PTPRG: variants seen among roughly 807,000 people sequenced by gnomAD.
PTPRG encodes the protein protein tyrosine phosphatase receptor type G, also known as receptor-type tyrosine-protein phosphatase gamma.
Under a neutral mutation model 165.3 loss-of-function variants are expected in PTPRG, and 102 were observed. The ratio of observed to expected loss-of-function variants is 0.62; its 90% confidence interval spans 0.53 to 0.73. The LOEUF (loss-of-function observed/expected upper bound fraction) is 0.73. Among genes scored for constraint, PTPRG ranks in the 30% least tolerant of loss-of-function variants. PTPRG has a pLI of 0.00. For missense variants in PTPRG, 1,866 were observed against 1,861.4 expected (o/e 1.00, Z -0.05); for synonymous variants, 675 against 669.5 (o/e 1.01, Z -0.13).
intron 4 of PTPRG, among the ~76,000 whole-genome samples, chr3:62,055,148 G>A (rs1427579106): frequency 6.6e-6 from 1 of 152,124 alleles, no homozygotes; most frequent in Non-Finnish European, 1.5e-5. Flanking sequence ...GCCCAATTAT[G>A]TTTCAAGTAT....
At chr3:61,667,608 A>C (rs1057410192) in intron 1 of PTPRG, among the ~76,000 whole-genome samples, 4 of 152,232 alleles carry the variant, frequency 2.6e-5, no homozygotes, top group African/African-American at 9.6e-5. Context: ...ACACGAGGAA[A>C]CTAAAGCAAG....
At chr3:61,899,701 A>G (rs1033312618) in intron 2 of PTPRG, among the ~76,000 whole-genome samples, 5 of 152,288 alleles carry the variant, frequency 3.3e-5, no homozygotes, top group South Asian at 2.1e-4. Context: ...GTGGATTCCA[A>G]TTCAGTAGAT....
chr3:61,766,027 C>T (rs1432153371), intron 2 of PTPRG, among the ~76,000 whole-genome samples: 5 of 152,162 alleles, frequency 3.3e-5, no homozygotes, highest in East Asian at 1.9e-4. Flanking sequence ...AGGCCACTGA[C>T]GTTGTAGGTT....
At chr3:62,176,972 G>C (rs530546961) in intron 8 of PTPRG, among the ~76,000 whole-genome samples, 1 of 152,174 alleles carries the variant, frequency 6.6e-6, no homozygotes, top group South Asian at 2.1e-4. Context: ...CTCTAAAATA[G>C]AGATAATAAG....
At chr3:61,982,626 G>C (rs1473802363) in intron 2 of PTPRG, among the ~76,000 whole-genome samples, 1 of 152,086 alleles carries the variant, frequency 6.6e-6, no homozygotes, top group East Asian at 1.9e-4. Context: ...TCAGCCTAGA[G>C]GTCTGTGGCT....
intron 7 of PTPRG, 75 bp from the exon 8 acceptor site, chr3:62,167,896 A>C (rs2106734117): frequency 6.9e-7 from 1 of 1,452,840 alleles, no homozygotes; most frequent in South Asian, 1.2e-5. Flanking sequence ...CTTTGGACCA[A>C]ATAGCTTTTC....
intron 3 of PTPRG, among the ~76,000 whole-genome samples, chr3:61,998,789 A>C (rs1433331791): frequency 6.6e-6 from 1 of 152,214 alleles, no homozygotes; most frequent in Non-Finnish European, 1.5e-5. Context: ...CAGCAAGGAT[A>C]GTTCTAGAAA....
chr3:62,195,069 C>G lies in PTPRG; in HGVS notation c.1226C>G (p.Thr409Ser), dbSNP rs1409918741. ...TTCCTTCTTTACTTACAGAAAGCCA[C>G]CATTAGCCATGTCTCACCCGATAGC... ...TKDSDKDLKA[T>S]ISHVSPDSLY... Residue 409 changes from threonine to serine, a missense_variant, in exon 10 of 30, where the codon ACC becomes AGC. Transcript: ENST00000474889. The surrounding 1 kb of genome is among the most constrained non-coding windows in gnomAD (Gnocchi z 4.4). The G allele has an allele frequency of 6.2e-7, 1 of 1,614,124 alleles. No individual in the cohort carries two copies. The highest frequency in any genetic ancestry group is 1.7e-5 in the Admixed American group (1 of 60,034).
chr3:61,663,040 T>A (rs534505360), intron 1 of PTPRG, among the ~76,000 whole-genome samples: 4 of 152,186 alleles, frequency 2.6e-5, no homozygotes, highest in African/African-American at 9.6e-5. Context: ...TCTCAGCACT[T>A]TGGAAGGCTG....
At chr3:62,136,985 G>A (rs1281269722) in intron 6 of PTPRG, among the ~76,000 whole-genome samples, 1 of 152,116 alleles carries the variant, frequency 6.6e-6, no homozygotes, top group Admixed American at 6.5e-5. Flanking sequence ...TGTCTTACAT[G>A]TTCATTTGTC....
chr3:61,578,247 T>C (rs548666579), intron 1 of PTPRG, among the ~76,000 whole-genome samples: 3 of 152,292 alleles, frequency 2.0e-5, no homozygotes, highest in African/African-American at 7.2e-5. Flanking sequence ...ATTTGAAAGG[T>C]AGAAGGGAAC....
intron 1 of PTPRG, among the ~76,000 whole-genome samples, chr3:61,571,317 T>C (rs1700049942): frequency 6.6e-6 from 1 of 152,188 alleles, no homozygotes; most frequent in South Asian, 2.1e-4. Flanking sequence ...CTCAGGATTT[T>C]TTTTAAATTT....
chr3:61,654,782 CTTTTTT>C (rs5849443), intron 1 of PTPRG, among the ~76,000 whole-genome samples: 1 of 129,452 alleles, frequency 7.7e-6, no homozygotes, highest in Admixed American at 8.3e-5. Context: ...TGTGCTTTTT[CTTTTTT>C]TTTTTTTTTT....
intron 1 of PTPRG, among the ~76,000 whole-genome samples, chr3:61,668,839 C>T (rs564053893): frequency 2.0e-5 from 3 of 152,182 alleles, no homozygotes; most frequent in African/African-American, 7.2e-5. Flanking sequence ...CTAAGGCTGT[C>T]ATTTCTTAGG....
At chr3:62,048,747 C>T (rs1454981708) in intron 4 of PTPRG, among the ~76,000 whole-genome samples, 3 of 152,176 alleles carry the variant, frequency 2.0e-5, no homozygotes, top group Admixed American at 6.5e-5. Flanking sequence ...TAGAATCATA[C>T]AAGTTTCCTG....
intron 4 of PTPRG, among the ~76,000 whole-genome samples, chr3:62,011,652 G>C (rs1392533694): frequency 6.6e-6 from 1 of 152,140 alleles, no homozygotes; most frequent in Admixed American, 6.5e-5. Flanking sequence ...CCATCTGGCT[G>C]ATCTTTTATG....
In PTPRG at chr3:61,793,441, T is replaced by C. The variant is rs182883357; in HGVS notation, c.190+44459T>C. ...AGAAGAATATGCTGCATTTTTGGCT[T>C]TGTGATGGCAACTTCCTGGCCTAGA... On this transcript the variant is annotated intron_variant, in intron 2 of 29. Coordinates refer to ENST00000474889, the MANE Select transcript of PTPRG (RefSeq NM_002841.4). Among the ~76,000 whole-genome samples, 3 of 152,286 alleles carry C rather than the reference T, an allele frequency of 2.0e-5. No individual in the cohort carries two copies. In the East Asian group the frequency reaches 5.8e-4, roughly 29 times the overall value.
chr3:61,995,080 C>CTTT (rs1233679653), intron 3 of PTPRG, among the ~76,000 whole-genome samples: 1,831 of 106,896 alleles, frequency 0.017, 56 homozygotes, highest in African/African-American at 0.054. Context: ...TCTTTTCTTT[C>CTTT]TTTCTTTTTT....
chr3:61,583,147 A>G (rs924376419), intron 1 of PTPRG, among the ~76,000 whole-genome samples: 1 of 152,178 alleles, frequency 6.6e-6, no homozygotes, highest in African/African-American at 2.4e-5. Flanking sequence ...GTGCTTCCTC[A>G]TGGTATAAAG....
Sources: allele counts gnomAD v4.1 joint callset (sites outside exome capture counted in the v4.1 genomes callset), GRCh38; gene constraint gnomAD v4.1.1; non-coding constraint Gnocchi (gnomAD v3.1); transcripts MANE v1.5; gene names NCBI Gene and HGNC (gene_info 2026-07-23, HGNC 2026-07-21).